Variants in MUTYH observed in about 807,000 individuals in gnomAD.
MUTYH encodes adenine DNA glycosylase.
A neutral mutation model predicts 72.9 loss-of-function variants in MUTYH; 64 were observed. The ratio of observed to expected loss-of-function variants is 0.88; its 90% CI spans 0.72 to 1.08. The LOEUF is 1.08. Among genes scored for constraint, MUTYH ranks in the 50% least tolerant of loss-of-function variants. The probability of loss-of-function intolerance (pLI) is 0.00; values close to 1 mark genes in which losing one functional copy is unlikely to be tolerated. For synonymous variants in MUTYH, 234 were observed against 263.1 expected (o/e 0.89, Z 1.07); for missense variants, 633 against 671.0 (o/e 0.94, Z 0.63).
At chr1:45,334,539 G>A (rs1179409434) in intron 1 of MUTYH, 28 bp from the exon 2 acceptor site, 2 of 1,613,720 alleles carry the variant, frequency 1.2e-6, no homozygotes, top group Non-Finnish European at 1.7e-6. Flanking sequence ...AGCCAAAGCA[G>A]TCAGTCACAA....
At position 45,330,497 on chromosome 1, in the gene MUTYH, AG is replaced by A. The variant is rs1242250915; in HGVS notation, c.1434+18del. On this transcript the variant is annotated intron_variant, in intron 15 of 15. Transcript: ENST00000456914. ...TCAGGCCTGGGGAGACACGGTTGGG[AG>A]AGGCCTAGGAGACTTACCATACAGG... The A allele has an allele frequency of 6.2e-7, 1 of 1,606,100 alleles. No homozygotes were observed. The highest frequency in any genetic ancestry group is 1.3e-5 in the African/African-American group (1 of 74,732).
intron 1 of MUTYH, among the ~76,000 whole-genome samples, chr1:45,334,739 G>A (rs973249241): frequency 4.6e-5 from 7 of 152,240 alleles, no homozygotes; most frequent in African/African-American, 1.4e-4. Context: ...CAGCCCTGGA[G>A]ACATGCAAAG....
rs1401001082 is a variant in MUTYH, at chr1:45,332,557, G to A, written c.606+17C>T. 3.1e-6 allele frequency: 5 copies of A among 1,613,986 alleles called. No homozygotes were observed. In the African/African-American group the frequency reaches 5.3e-5, roughly 17 times the overall value. On this transcript the variant is annotated intron_variant, in intron 8 of 15. Transcript: ENST00000456914. ...GAGGCTGGGCACGCACAAAGTGGGG[G>A]TGGGCTGTGAGATCACCTGGCCAAA...
At chr1:45,338,229 T>C (rs1646228820) in intron 1 of MUTYH, 1 of 531,058 alleles carries the variant, frequency 1.9e-6, no homozygotes, top group African/African-American at 1.9e-5. Flanking sequence ...CCCTTGCTCT[T>C]AGAAGGCAGT....
chr1:45,333,044 G>T, intron 5 of MUTYH, 53 bp downstream of exon 5: 1 of 1,613,370 alleles, frequency 6.2e-7, no homozygotes, highest in Non-Finnish European at 8.5e-7. Flanking sequence ...CCAAAGTAGA[G>T]GCTCTCATCT....
intron 1 of MUTYH, among the ~76,000 whole-genome samples, chr1:45,338,995 A>G (rs1337372586): frequency 6.6e-6 from 1 of 151,994 alleles, no homozygotes; most frequent in Non-Finnish European, 1.5e-5. Flanking sequence ...TTGAACTCCT[A>G]GGGTCAAGCG....
chr1:45,340,371 C>A, upstream of MUTYH: 3 of 1,561,674 alleles, frequency 1.9e-6, no homozygotes, highest in Non-Finnish European at 2.6e-6. Context: ...GCCTCGGGCT[C>A]ATAGTTCTAG....
At chr1:45,330,426 T>C (rs543493410) in intron 15 of MUTYH, 90 bp downstream of exon 15, 4 of 1,388,558 alleles carry the variant, frequency 2.9e-6, no homozygotes, top group Middle Eastern at 1.8e-4. Context: ...GAGTGGAGAA[T>C]GTTCACCCAG....
At position 45,331,350 on chromosome 1, in the gene MUTYH, AG is replaced by A. The variant is rs748401996; in HGVS notation, c.1240-17del. 1.2e-6 allele frequency: 2 copies of A among 1,614,206 alleles called. No homozygotes were observed. The highest frequency in any genetic ancestry group is 2.2e-5 in the South Asian group (2 of 91,080). ...TGTGGACAACCTGGAGGAAGGGTCAAGGGGTTCAAATAGGCCTGTGGATATA... is the reference window on the plus strand; with the variant it reads ...TGTGGACAACCTGGAGGAAGGGTCAAGGGTTCAAATAGGCCTGTGGATATA... On this transcript the variant is annotated splice_polypyrimidine_tract_variant and intron_variant, in intron 13 of 15. Transcript: ENST00000456914.
Position 45,332,745 on chromosome 1 carries a change from C to G in MUTYH, c.492+18G>C. The G allele has an allele frequency of 1.2e-6, 2 of 1,614,154 alleles. No individual in the cohort carries two copies. The highest frequency in any genetic ancestry group is 1.7e-6 in the Non-Finnish European group (2 of 1,180,016). On this transcript the variant is annotated intron_variant, in intron 7 of 15. Transcript: ENST00000456914. Reference sequence around the variant, plus strand: ...CACCCAAGACTCCTGGGTTCCTACCCTCCTGCCATCCCCTTACCTTCCGAG... The same window carrying G: ...CACCCAAGACTCCTGGGTTCCTACCGTCCTGCCATCCCCTTACCTTCCGAG...
In MUTYH at chr1:45,333,439, T is replaced by C. The variant is rs876658237; in HGVS notation, c.238A>G (p.Lys80Glu). The C allele has an allele frequency of 4.3e-6, 7 of 1,614,222 alleles. No homozygotes were observed. Among genetic ancestry groups the C allele is most frequent in the Non-Finnish European group, 3.4e-6 (4 of 1,180,032 alleles). ...CGTCTTCTCCATGGTAGGTCCCGTTTCTCTTGGTCGTACCAGCTTAGCAGG... is the reference window on the plus strand; with the variant it reads ...CGTCTTCTCCATGGTAGGTCCCGTTCCTCTTGGTCGTACCAGCTTAGCAGG... ...GSLLSWYDQE[K>E]RDLPWRRRAE... Residue 80 changes from lysine to glutamate, a missense_variant, in exon 3 of 16, where the codon AAA (lysine) becomes GAA (glutamate). By Grantham distance (56) the Lys-to-Glu change is moderately conservative. Transcript: ENST00000456914.
In MUTYH at chr1:45,329,409, G is replaced by T; in HGVS notation, c.1463C>A (p.Pro488Gln). Residue 488 changes from proline to glutamine, a missense_variant, in exon 16 of 16, where the codon CCG becomes CAG. By Grantham distance (76) the Pro-to-Gln change is moderately conservative. Coordinates refer to ENST00000456914, the MANE Select transcript of MUTYH (RefSeq NM_001048174.2). ...CATGCGGGGCTTTTTCCGACTGCAC[G>T]GAGAGGACACCTGGGACCTTTTGGA... ...MGSKRSQVSSPCSRKKPRMGQ... is the reference protein window; with the variant it reads ...MGSKRSQVSSQCSRKKPRMGQ... 2 of 1,614,134 alleles carry T rather than the reference G, an allele frequency of 1.2e-6. No homozygotes were observed. Among genetic ancestry groups the T allele is most frequent in the Non-Finnish European group, 1.7e-6 (2 of 1,180,030 alleles).
chr1:45,334,291 T>C lies in MUTYH; in HGVS notation c.115+100A>G, dbSNP rs1320981758. The stretch of plus-strand genomic sequence containing the variant: ...GGTGTGAGCCACCGCACCTGGCCCT[T>C]AGTAAGTCTCTTAATGTCTTGATAC... On this transcript the variant is annotated intron_variant, in intron 2 of 15. Transcript: ENST00000456914. 3.2e-6 allele frequency: 5 copies of C among 1,571,142 alleles called. No individual in the cohort carries two copies. In the African/African-American group the frequency reaches 4.0e-5, roughly 13 times the overall value.
chr1:45,334,908 T>C (rs989820997), intron 1 of MUTYH, among the ~76,000 whole-genome samples: 1 of 152,128 alleles, frequency 6.6e-6, no homozygotes, highest in African/African-American at 2.4e-5. Flanking sequence ...CTTAGAGATG[T>C]AGCATGGTTA....
Position 45,332,844 on chromosome 1 carries a change from G to A in MUTYH, c.421-10C>T, listed in dbSNP as rs1374872761. 6.2e-7 allele frequency: 1 copy of A among 1,614,074 alleles called. No individual in the cohort carries two copies. Among genetic ancestry groups the A allele is most frequent in the African/African-American group, 1.3e-5 (1 of 74,912 alleles). ...AGAGTTGATTCACCTCCTGTGGGTA[G>A]GATCAGAGGTCAAAGAGATCACCCG... On this transcript the variant is annotated splice_polypyrimidine_tract_variant and intron_variant, in intron 6 of 15. Transcript: ENST00000456914.
At chr1:45,334,152 G>A (rs960701176) in intron 2 of MUTYH, 13 of 480,650 alleles carry the variant, frequency 2.7e-5, no homozygotes, top group Non-Finnish European at 4.6e-5. Flanking sequence ...GACTACAGAC[G>A]CTCACCACCA....
At chr1:45,330,624 CTTA>C in intron 14 of MUTYH, 67 bp from the exon 15 acceptor site, 3 of 1,521,770 alleles carry the variant, frequency 2.0e-6, no homozygotes, top group Non-Finnish European at 2.7e-6. Context: ...GTGTTCTGCC[CTTA>C]ACTTCATGTC....
At chr1:45,340,186 C>A (rs755914972), upstream of MUTYH, 29 of 1,612,790 alleles carry the variant, frequency 1.8e-5, no homozygotes, top group African/African-American at 3.9e-4. Flanking sequence ...CTGCCTGAAC[C>A]GCGCCAGGAG....
At chr1:45,335,609 C>T (rs1464318650) in intron 1 of MUTYH, among the ~76,000 whole-genome samples, 2 of 152,148 alleles carry the variant, frequency 1.3e-5, no homozygotes, top group Non-Finnish European at 2.9e-5. Flanking sequence ...GTAATCCCAA[C>T]ACTGCGGGAG....
Sources: gnomAD v4.1 joint callset for allele counts (sites outside exome capture counted in the v4.1 genomes callset) on GRCh38, gnomAD v4.1.1 for gene constraint, MANE v1.5 for transcripts, NCBI Gene and HGNC (gene_info 2026-07-23, HGNC 2026-07-21) for gene names.